Variants in THOC1 observed in about 807,000 individuals in gnomAD.
THOC1 encodes THO complex subunit 1.
A neutral mutation model predicts 97.3 loss-of-function variants in THOC1; 29 were observed. The ratio of observed to expected loss-of-function variants is 0.30; its 90% CI spans 0.22 to 0.41. THOC1 has a LOEUF of 0.41. Ranked by LOEUF, THOC1 falls within the 10% of genes least tolerant of loss-of-function variation. THOC1 has a pLI of 1.00. For synonymous variants in THOC1, 255 were observed against 257.0 expected (o/e 0.99, Z 0.07); for missense variants, 529 against 761.9 (o/e 0.69, Z 3.60).
At chr18:215,012 T>G in intron 20 of THOC1, 91 bp from the exon 21 acceptor site, 1 of 1,087,158 alleles carries the variant, frequency 9.2e-7, no homozygotes, top group African/African-American at 1.6e-5. Context: ...ATTAACCACC[T>G]TTAGTAGACT....
intron 9 of THOC1, 131 bp from the exon 10 acceptor site, chr18:248,088 C>A (rs1280404530): frequency 3.3e-6 from 2 of 600,744 alleles, no homozygotes; most frequent in Non-Finnish European, 5.6e-6. Flanking sequence ...TACACATTCA[C>A]AAATGCTTAT....
At chr18:215,673 C>A (rs912975576) in intron 19 of THOC1, 169 bp from the exon 20 acceptor site, 1 of 570,632 alleles carries the variant, frequency 1.8e-6, no homozygotes, top group African/African-American at 1.9e-5. Flanking sequence ...GTGGGACTAT[C>A]TTCACCTGCA....
chr18:259,826 T>C, intron 5 of THOC1, 96 bp from the exon 6 acceptor site: 1 of 838,992 alleles, frequency 1.2e-6, no homozygotes. Context: ...AACACTAACA[T>C]GCACTGAGAA....
At chr18:231,941 A>G (rs886923810) in intron 11 of THOC1, among the ~76,000 whole-genome samples, 4 of 152,190 alleles carry the variant, frequency 2.6e-5, no homozygotes, top group African/African-American at 9.7e-5. Context: ...TAGTTCAGGG[A>G]TTGGCAAATC....
At chr18:236,504 C>G (rs1392920003) in intron 11 of THOC1, among the ~76,000 whole-genome samples, 1 of 151,478 alleles carries the variant, frequency 6.6e-6, no homozygotes, top group East Asian at 1.9e-4. Flanking sequence ...CTACAGGCGC[C>G]CGCTACCACG....
In THOC1 at chr18:243,118, C is replaced by A. The variant is rs558602040; in HGVS notation, c.918+3206G>T. 9.2e-5 allele frequency among the ~76,000 whole-genome samples: 14 copies of A among 152,244 alleles called. No individual in the cohort carries two copies. In the South Asian group the frequency reaches 2.5e-3, roughly 27 times the overall value. On this transcript the variant is annotated intron_variant, in intron 11 of 20. Coordinates refer to ENST00000261600, the MANE Select transcript of THOC1 (RefSeq NM_005131.3). ...TACATGCCTCACATTCTCTTTGGTA[C>A]AATTTTGTGCCTTTTTCTTACTCCT...
rs528266069 is a variant in THOC1 at position 246,935 on chromosome 18, A to C, written c.787-480T>G. Among the ~76,000 whole-genome samples the C allele has an allele frequency of 1.6e-3, 245 of 149,512 alleles. 2 individuals carry two copies. In the Middle Eastern group the frequency reaches 0.017, roughly 11 times the overall value. On this transcript the variant is annotated intron_variant, in intron 10 of 20. Transcript: ENST00000261600. ...CCGTCTCAAAAAAAAAAAAAAAAAA[A>C]ACGAAGAAATATGATTTAAGAAGTC... is the stretch of plus-strand genomic sequence containing the variant.
chr18:244,188 A>C (rs1303680720), intron 11 of THOC1: 4 of 152,172 alleles, frequency 2.6e-5, no homozygotes, highest in African/African-American at 9.7e-5. Flanking sequence ...TCATCTAGTT[A>C]AGTTCCACGT....
chr18:220,137 A>G (rs1911028227), intron 17 of THOC1, among the ~76,000 whole-genome samples: 1 of 152,184 alleles, frequency 6.6e-6, no homozygotes, highest in African/African-American at 2.4e-5. Flanking sequence ...TGTCCTACAC[A>G]GAGATATTTG....
At chr18:238,473 G>A (rs940740406) in intron 11 of THOC1, among the ~76,000 whole-genome samples, 1 of 152,202 alleles carries the variant, frequency 6.6e-6, no homozygotes, top group Non-Finnish European at 1.5e-5. Flanking sequence ...ATATCATAGA[G>A]TGTACTTAAC....
intron 11 of THOC1, among the ~76,000 whole-genome samples, chr18:238,891 T>G (rs764911092): frequency 4.6e-5 from 7 of 152,246 alleles, no homozygotes; most frequent in Non-Finnish European, 8.8e-5. Flanking sequence ...AAGTTTTCAG[T>G]TTAAAAGATG....
chr18:219,561 T>G (rs1306748002), intron 17 of THOC1, among the ~76,000 whole-genome samples: 3 of 152,216 alleles, frequency 2.0e-5, no homozygotes, highest in Non-Finnish European at 4.4e-5. Flanking sequence ...CAGTTTTGAT[T>G]ACGTGGGAAC....
intron 9 of THOC1, among the ~76,000 whole-genome samples, chr18:250,587 T>C (rs902448412): frequency 1.3e-5 from 2 of 152,242 alleles, no homozygotes; most frequent in Admixed American, 1.3e-4. Flanking sequence ...ACAAAAATGT[T>C]TACTGGTGTA....
chr18:253,186 G>A (rs1426799734), intron 8 of THOC1, among the ~76,000 whole-genome samples: 1 of 152,182 alleles, frequency 6.6e-6, no homozygotes, highest in Admixed American at 6.5e-5. Flanking sequence ...GTATAAATTG[G>A]TATAACCTTT....
chr18:267,817 C>A (rs1246108273), intron 1 of THOC1, 149 bp downstream of exon 1: 1 of 790,134 alleles, frequency 1.3e-6, no homozygotes, highest in South Asian at 2.0e-5. Flanking sequence ...CTTTCCCTAC[C>A]CCTCAACCTC....
chr18:215,482 GTTT>G lies in THOC1; in HGVS notation c.1622_1624del (p.Lys541del). 6.2e-7 allele frequency: 1 copy of G among 1,613,440 alleles called. No homozygotes were observed. The highest frequency in any genetic ancestry group is 8.5e-7 in the Non-Finnish European group (1 of 1,179,528). On this transcript the variant is annotated inframe_deletion, in exon 20 of 21. Coordinates refer to ENST00000261600, the MANE Select transcript of THOC1 (RefSeq NM_005131.3). ...ATCTTCCTCATCTTCATCCTCACCTGTTTTTATTTCTTCAGAAGGAGGCTAAAA... is the reference window on the plus strand; with the variant it reads ...ATCTTCCTCATCTTCATCCTCACCTGTTATTTCTTCAGAAGGAGGCTAAAA...
At chr18:224,695 T>C (rs1911216824) in intron 15 of THOC1, among the ~76,000 whole-genome samples, 1 of 151,990 alleles carries the variant, frequency 6.6e-6, no homozygotes, top group Non-Finnish European at 1.5e-5. Flanking sequence ...TTCTTCTCAA[T>C]AATAAGATGT....
rs2143125570 is a variant in THOC1, at chr18:214,914, A to T, written c.1686T>A (p.Asp562Glu). 1.2e-6 allele frequency: 2 copies of T among 1,613,620 alleles called. No individual in the cohort carries two copies. Among genetic ancestry groups the T allele is most frequent in the Non-Finnish European group, 1.7e-6 (2 of 1,179,678 alleles). Residue 562 changes from aspartate (D) to glutamate (E), a missense_variant, in exon 21 of 21, where the codon GAT becomes GAA. Transcript: ENST00000261600. The stretch of plus-strand genomic sequence containing the variant: ...CTGTTACAGGTTTGTCTCGCCGAAC[A>T]TCAGGACCTAGAAAATGAAGAGAAT... ...DALLKENESP[D>E]VRRDKPVTGE...
At chr18:221,284 T>A (rs1275367612) in intron 17 of THOC1, among the ~76,000 whole-genome samples, 1 of 152,158 alleles carries the variant, frequency 6.6e-6, no homozygotes, top group African/African-American at 2.4e-5. Context: ...TCTGTCAAAA[T>A]CCTACTAGAT....
Sources: gnomAD v4.1 joint callset for allele counts (sites outside exome capture counted in the v4.1 genomes callset) on GRCh38, gnomAD v4.1.1 for gene constraint, MANE v1.5 for transcripts, NCBI Gene and HGNC (gene_info 2026-07-23, HGNC 2026-07-21) for gene names.